The following DNAJC6 variants were observed in gnomAD, a reference collection of about 807,000 sequenced individuals.
DNAJC6 encodes DnaJ heat shock protein family (Hsp40) member C6, also known as auxilin.
Under a neutral mutation model 110.0 loss-of-function variants are expected in DNAJC6, and 34 were observed. That is an observed-to-expected ratio of 0.31 (90% CI 0.24 to 0.41). The LOEUF (loss-of-function observed/expected upper bound fraction) is 0.41. DNAJC6 is among the 10% of genes least tolerant of loss of function. The pLI, the probability that DNAJC6 is intolerant of heterozygous loss-of-function variation, is 1.00. For synonymous variants in DNAJC6, 406 were observed against 437.2 expected, an observed-to-expected ratio of 0.93 and a Z score of 0.89; for missense variants, 1,031 against 1,207.8, an observed-to-expected ratio of 0.85 and a Z score of 2.17.
At chr1:65,271,080 AT>A (rs1181790866) in intron 1 of DNAJC6, among the ~76,000 whole-genome samples, 4 of 150,408 alleles carry the variant, frequency 2.7e-5, no homozygotes, top group Non-Finnish European at 5.9e-5. Context: ...CTTGTTTTTT[AT>A]TTTTTTTTAT....
In DNAJC6 at chr1:65,364,623, T is replaced by G. The variant is rs1038422673; in HGVS notation, c.194-12T>G. 1.9e-6 allele frequency: 3 copies of G among 1,541,096 alleles called. No individual in the cohort carries two copies. The highest frequency in any genetic ancestry group is 2.3e-5 in the East Asian group (1 of 43,770). On this transcript the variant is annotated splice_polypyrimidine_tract_variant and intron_variant, in intron 1 of 18. Coordinates refer to ENST00000371069, the MANE Select transcript of DNAJC6 (RefSeq NM_001256864.2). ...CCATTTTTGTTTGTTTGTTTTTTTT[T>G]TTTTTTGGCAGGTGCCTCATCTCCA...
chr1:65,385,856 C>T lies in DNAJC6; in HGVS notation c.945C>T (p.Leu315=), dbSNP rs748176025. Residue 315 remains leucine (L), a synonymous_variant, in exon 7 of 19, where the codon CTC becomes CTT. Coordinates refer to ENST00000371069, the MANE Select transcript of DNAJC6 (RefSeq NM_001256864.2). ...GATGTCGCCCTTACTGTGATGTACT[C>T]ATTGGAGAAACCAAAATATATTCGA... is the stretch of plus-strand genomic sequence containing the variant. The part of the protein sequence containing the change: ...RNGCRPYCDV[L]IGETKIYSTC... The T allele has an allele frequency of 1.9e-6, 3 of 1,613,150 alleles. No homozygotes were observed. Among genetic ancestry groups the T allele is most frequent in the Middle Eastern group, 1.7e-4 (1 of 6,054 alleles).
chr1:65,390,642 C>A (rs942240939), intron 11 of DNAJC6, among the ~76,000 whole-genome samples: 1 of 152,170 alleles, frequency 6.6e-6, no homozygotes, highest in African/African-American at 2.4e-5. Flanking sequence ...GGGAAACTGG[C>A]TATGGTATGG....
At chr1:65,289,469 C>T (rs1179168586) in intron 1 of DNAJC6, among the ~76,000 whole-genome samples, 4 of 152,156 alleles carry the variant, frequency 2.6e-5, no homozygotes, top group Non-Finnish European at 5.9e-5. Flanking sequence ...GCTGAGATTA[C>T]AGATGTGAGC....
At chr1:65,313,895 C>G (rs1460670806) in intron 1 of DNAJC6, among the ~76,000 whole-genome samples, 2 of 152,160 alleles carry the variant, frequency 1.3e-5, no homozygotes, top group African/African-American at 4.8e-5. Context: ...ACTGCACTAT[C>G]CCAATGCCGA....
intron 13 of DNAJC6, among the ~76,000 whole-genome samples, chr1:65,396,025 T>A (rs1645973686): frequency 6.6e-6 from 1 of 152,228 alleles, no homozygotes; most frequent in Admixed American, 6.5e-5. Context: ...CAGTCATCAG[T>A]TGACTTTGGG....
intron 1 of DNAJC6, among the ~76,000 whole-genome samples, chr1:65,299,470 C>G (rs1260642635): frequency 6.6e-6 from 1 of 152,166 alleles, no homozygotes; most frequent in Non-Finnish European, 1.5e-5. Context: ...AAGGCAGTCT[C>G]TGGATAGCAG....
chr1:65,302,228 CTAT>C (rs1448944290), intron 1 of DNAJC6, among the ~76,000 whole-genome samples: 9 of 66,960 alleles, frequency 1.3e-4, no homozygotes, highest in African/African-American at 4.4e-4. Context: ...ATATAATATA[CTAT>C]TATATTGATA....
At chr1:65,412,072 G>A (rs1420032089) in intron 18 of DNAJC6, among the ~76,000 whole-genome samples, 1 of 152,238 alleles carries the variant, frequency 6.6e-6, no homozygotes, top group Non-Finnish European at 1.5e-5. Flanking sequence ...AGATACAGCA[G>A]TATAGTTAGC....
At chr1:65,302,878 C>T (rs1645002569) in intron 1 of DNAJC6, among the ~76,000 whole-genome samples, 1 of 152,120 alleles carries the variant, frequency 6.6e-6, no homozygotes, top group East Asian at 1.9e-4. Flanking sequence ...TGCCTTCTAT[C>T]ATGGGATGAT....
chr1:65,406,256 G>A (rs1646075402), intron 16 of DNAJC6, 123 bp downstream of exon 16: 1 of 1,334,794 alleles, frequency 7.5e-7, no homozygotes, highest in Non-Finnish European at 1.0e-6. Context: ...GTTTCTGAGG[G>A]AATCTTATAG....
At position 65,401,883 on chromosome 1, in the gene DNAJC6, A is replaced by G. The variant is rs749461161; in HGVS notation, c.2227+3A>G. ...TTTTGCCGACCTTGGGACACTAGGT[A>G]CAAACTCAGAAGATCAAGATACAAA... On this transcript the variant is annotated splice_donor_region_variant and intron_variant, in intron 15 of 18. Coordinates refer to ENST00000371069, the MANE Select transcript of DNAJC6 (RefSeq NM_001256864.2). 2 of 1,612,784 alleles carry G rather than the reference A, an allele frequency of 1.2e-6. No homozygotes were observed. The highest frequency in any genetic ancestry group is 1.7e-6 in the Non-Finnish European group (2 of 1,179,724).
In DNAJC6 at chr1:65,283,925, C is replaced by T. The variant is rs546175293; in HGVS notation, c.-131+18993C>T. Among the ~76,000 whole-genome samples, 43 of 152,274 alleles carry T rather than the reference C, an allele frequency of 2.8e-4. No homozygotes were observed. In the South Asian group the frequency reaches 8.5e-3, roughly 30 times the overall value. On this transcript the variant is annotated intron_variant, in intron 1 of 19. Transcript: ENST00000263441. ...ATATGTTAAGTTTTGAACTCAGCTT[C>T]CCAACTCTCAGTGGCCTGGTCTGTG...
intron 1 of DNAJC6, among the ~76,000 whole-genome samples, chr1:65,358,769 T>C (rs772610360): frequency 2.6e-5 from 4 of 152,194 alleles, no homozygotes; most frequent in Non-Finnish European, 5.9e-5. Flanking sequence ...TCCCTTACTA[T>C]TGAAAAAAAT....
intron 1 of DNAJC6, chr1:65,345,513 T>C (rs886963623): frequency 2.1e-5 from 5 of 242,448 alleles, no homozygotes; most frequent in Non-Finnish European, 3.3e-5. Flanking sequence ...AGAGTCAGTG[T>C]TGTGAATCCA....
At chr1:65,349,656 T>C (rs1645472878) in intron 1 of DNAJC6, among the ~76,000 whole-genome samples, 1 of 152,210 alleles carries the variant, frequency 6.6e-6, no homozygotes, top group Non-Finnish European at 1.5e-5. Context: ...CCATTGTTTC[T>C]GATGAATGTT....
Position 65,388,324 on chromosome 1 carries a change from A to G in DNAJC6, c.1114-12A>G, listed in dbSNP as rs755723324. On this transcript the variant is annotated splice_polypyrimidine_tract_variant and intron_variant, in intron 8 of 18. Coordinates refer to ENST00000371069, the MANE Select transcript of DNAJC6 (RefSeq NM_001256864.2). ...TGATTGATTGTAATGTGCTTCTCTC[A>G]TGTATTTTTAGGTGACCAACACACA... 6 of 1,610,928 alleles carry G rather than the reference A, an allele frequency of 3.7e-6. No homozygotes were observed. The Admixed American group carries it at 5.0e-5, about 13-fold the overall frequency.
chr1:65,402,015 C>A, intron 15 of DNAJC6, 135 bp downstream of exon 15: 1 of 1,231,292 alleles, frequency 8.1e-7, no homozygotes, highest in South Asian at 1.5e-5. Context: ...AAGCTATCCT[C>A]TGAAACCTGA....
intron 1 of DNAJC6, 86 bp from the exon 2 acceptor site, chr1:65,364,549 T>C: frequency 2.1e-6 from 3 of 1,402,770 alleles, no homozygotes; most frequent in Non-Finnish European, 2.9e-6. Flanking sequence ...AGTCTGTGTA[T>C]GTTTTAAGAA....
Sources: gnomAD v4.1 joint callset for allele counts (sites outside exome capture counted in the v4.1 genomes callset) on GRCh38, gnomAD v4.1.1 for gene constraint, MANE v1.5 for transcripts, NCBI Gene and HGNC (gene_info 2026-07-23, HGNC 2026-07-21) for gene names.